Variants in EML1 observed in about 807,000 individuals in gnomAD.
The protein encoded by EML1 is echinoderm microtubule-associated protein-like 1.
In EML1, 27 loss-of-function variants were observed where a neutral mutation model predicts 110.4. The observed-to-expected ratio is 0.24, with a 90% CI of 0.18 to 0.34. EML1 has a LOEUF of 0.34. EML1 is among the 10% of genes least tolerant of loss of function. EML1 has a pLI of 1.00. For missense variants in EML1, 741 were observed against 1,030.9 expected (o/e 0.72, Z 3.85); for synonymous variants, 344 against 385.8 (o/e 0.89, Z 1.27).
chr14:99,762,348 C>T (rs1165941062), intron 1 of EML1, among the ~76,000 whole-genome samples: 1 of 148,262 alleles, frequency 6.7e-6, no homozygotes, highest in African/African-American at 2.4e-5. Context: ...GTATAACCAG[C>T]CCCCTGAACA....
At chr14:99,753,656 C>T (rs766820490) in intron 1 of EML1, among the ~76,000 whole-genome samples, 2 of 152,126 alleles carry the variant, frequency 1.3e-5, no homozygotes, top group African/African-American at 2.4e-5. Flanking sequence ...AGACGGTGAG[C>T]GTCTGAGGGC....
At chr14:99,845,323 A>G (rs575518957) in intron 1 of EML1, among the ~76,000 whole-genome samples, 17 of 152,298 alleles carry the variant, frequency 1.1e-4, no homozygotes, top group Non-Finnish European at 2.1e-4. Flanking sequence ...TTGGTGGTCT[A>G]TTTAAGTCTT....
intron 1 of EML1, 43 bp from the exon 2 acceptor site, chr14:99,850,810 C>T (rs200461491): frequency 1.4e-4 from 230 of 1,594,662 alleles, no homozygotes; most frequent in Non-Finnish European, 1.9e-4. Context: ...GATCTGATTT[C>T]CGGGGAACAC....
upstream of EML1, among the ~76,000 whole-genome samples, chr14:99,791,359 A>G (rs1368056500): frequency 1.3e-5 from 2 of 152,154 alleles, no homozygotes; most frequent in African/African-American, 4.8e-5. Context: ...CTGTGCTCTT[A>G]GCTTAGAGAG....
chr14:99,921,853 T>C (rs533875765), intron 17 of EML1, among the ~76,000 whole-genome samples: 62 of 152,226 alleles, frequency 4.1e-4, no homozygotes, highest in Non-Finnish European at 6.9e-4. Flanking sequence ...TCCAGTTTTT[T>C]AACCTTTTCA....
chr14:99,871,402 C>G (rs889178105), intron 3 of EML1, among the ~76,000 whole-genome samples: 7 of 151,932 alleles, frequency 4.6e-5, no homozygotes, highest in African/African-American at 1.7e-4. Context: ...AATCCCAGCA[C>G]TTTGGGAAGT....
intron 15 of EML1, among the ~76,000 whole-genome samples, chr14:99,917,127 A>G (rs2140071408): frequency 6.6e-6 from 1 of 152,254 alleles, no homozygotes; most frequent in East Asian, 1.9e-4. Flanking sequence ...CAAGCACACT[A>G]TTCAGTGAGC....
chr14:99,925,531 C>T (rs1374691623), intron 17 of EML1, among the ~76,000 whole-genome samples: 1 of 152,160 alleles, frequency 6.6e-6, no homozygotes, highest in Non-Finnish European at 1.5e-5. Context: ...GCAGGAGCCA[C>T]CAAATTTCTC....
chr14:99,921,369 ACTT>A (rs2060127942), intron 17 of EML1, among the ~76,000 whole-genome samples: 1 of 152,140 alleles, frequency 6.6e-6, no homozygotes, highest in African/African-American at 2.4e-5. Flanking sequence ...TGTATTCACT[ACTT>A]TAAAATCCCA....
rs978332147 is a variant in EML1, at chr14:99,936,418, C to T, written c.2095+84C>T. On this transcript the variant is annotated intron_variant, in intron 19 of 21. Coordinates refer to ENST00000262233, the MANE Select transcript of EML1 (RefSeq NM_004434.3). The surrounding 1 kb of genome is among the most constrained non-coding windows in gnomAD (Gnocchi z 5.5). ...TCCAGGGGGCCTCTGTGAGAACCCA[C>T]CTCCTGTATGACTTAGGCACGTGCC... 2.4e-6 allele frequency: 3 copies of T among 1,265,314 alleles called. No homozygotes were observed. The East Asian group carries it at 7.2e-5, about 30-fold the overall frequency. 78.4% of individuals were successfully genotyped at this position (1,265,314 alleles called of 1,614,324 possible).
chr14:99,825,005 A>C (rs993082744), intron 1 of EML1, among the ~76,000 whole-genome samples: 4 of 151,904 alleles, frequency 2.6e-5, no homozygotes, highest in African/African-American at 9.7e-5. Context: ...TTTTTTTGAG[A>C]CAGGATCTTG....
chr14:99,763,890 G>A (rs576572031), intron 1 of EML1, among the ~76,000 whole-genome samples: 4 of 152,302 alleles, frequency 2.6e-5, no homozygotes, highest in African/African-American at 7.2e-5. Flanking sequence ...CAGCCCTGGA[G>A]GAGCCGGGGC....
At position 99,911,490 on chromosome 14, in the gene EML1, A is replaced by C; in HGVS notation, c.1408A>C (p.Arg470=). ...EGGIFALCML[R]DGTLVSGGGK... ...TGGCATTTTTGCACTTTGTATGTTA[A>C]GAGATGGCACACTGGTGTCGGGAGG... The change falls in exon 13 of 22, where the codon AGA becomes CGA. Residue 470 remains arginine, a synonymous_variant. Coordinates refer to ENST00000262233, the MANE Select transcript of EML1 (RefSeq NM_004434.3). 1 of 1,613,156 alleles carries C rather than the reference A, an allele frequency of 6.2e-7. No homozygotes were observed.
chr14:99,788,225 T>G (rs1250636975), intron 1 of EML1, among the ~76,000 whole-genome samples: 1 of 152,188 alleles, frequency 6.6e-6, no homozygotes, highest in African/African-American at 2.4e-5. Flanking sequence ...TTGGCGCTTA[T>G]CATTTGTATT....
chr14:99,900,425 G>A (rs1262014587), intron 8 of EML1, among the ~76,000 whole-genome samples: 4 of 151,878 alleles, frequency 2.6e-5, no homozygotes, highest in South Asian at 4.2e-4. Context: ...GACCTCAGGC[G>A]ATCCACCTGC....
rs368385429 is a variant in EML1 at position 99,909,342 on chromosome 14, T to C, written c.1105-3T>C. 1.9e-6 allele frequency: 3 copies of C among 1,614,212 alleles called. No homozygotes were observed. Among genetic ancestry groups the C allele is most frequent in the Non-Finnish European group, 2.5e-6 (3 of 1,180,036 alleles). ...GGCATCCGAGTCCCTGTTTTTCCTA[T>C]AGTGCTCTAATGAAGCTGTGTTTGC... On this transcript the variant is annotated splice_polypyrimidine_tract_variant and splice_region_variant and intron_variant, in intron 10 of 21. Transcript: ENST00000262233.
chr14:99,754,363 C>G (rs1205499888), intron 1 of EML1, among the ~76,000 whole-genome samples: 1 of 152,094 alleles, frequency 6.6e-6, no homozygotes, highest in Non-Finnish European at 1.5e-5. Context: ...CTGCCCCCTG[C>G]CTCCCCCCAC....
At chr14:99,893,999 A>AGAGTTTTG (rs1374396694) in intron 5 of EML1, among the ~76,000 whole-genome samples, 1 of 152,158 alleles carries the variant, frequency 6.6e-6, no homozygotes, top group Non-Finnish European at 1.5e-5. Flanking sequence ...TTCGTTCTGA[A>AGAGTTTTG]GAGTTTTGCA....
chr14:99,908,003 A>G lies in EML1; in HGVS notation c.1104+270A>G, dbSNP rs376453723. Reference sequence around the variant, plus strand: ...ACCCTTTTAATTCATCCAGTCATGTATTTGCTGGCTGTTCCTTTCATTTGC... The same window carrying G: ...ACCCTTTTAATTCATCCAGTCATGTGTTTGCTGGCTGTTCCTTTCATTTGC... On this transcript the variant is annotated intron_variant, in intron 10 of 21. Transcript: ENST00000262233. Among the ~76,000 whole-genome samples the G allele has an allele frequency of 9.9e-5, 15 of 152,262 alleles. No homozygotes were observed. The East Asian group carries it at 2.7e-3, about 28-fold the overall frequency.
Sources: allele counts gnomAD v4.1 joint callset (sites outside exome capture counted in the v4.1 genomes callset), GRCh38; gene constraint gnomAD v4.1.1; non-coding constraint Gnocchi (gnomAD v3.1); transcripts MANE v1.5; gene names NCBI Gene and HGNC (gene_info 2026-07-23, HGNC 2026-07-21).